RAD18: variants seen among roughly 807,000 people sequenced by gnomAD.
The protein encoded by RAD18 is RAD18 E3 ubiquitin protein ligase, also known as E3 ubiquitin-protein ligase RAD18.
In RAD18, 47 loss-of-function variants were observed where a neutral mutation model predicts 60.4. The ratio of observed to expected loss-of-function variants is 0.78; its 90% CI spans 0.62 to 0.99. RAD18 has a LOEUF of 0.99. Ranked by LOEUF, RAD18 falls within the 50% of genes least tolerant of loss-of-function variation. The pLI, the probability that RAD18 is intolerant of heterozygous loss-of-function variation, is 0.00. For synonymous variants in RAD18, 225 were observed against 195.5 expected, an observed-to-expected ratio of 1.15 and a Z score of -1.26; for missense variants, 640 against 593.3, an observed-to-expected ratio of 1.08 and a Z score of -0.82.
At chr3:8,889,513 G>A (rs1308098683) in intron 12 of RAD18, among the ~76,000 whole-genome samples, 2 of 151,970 alleles carry the variant, frequency 1.3e-5, no homozygotes, top group African/African-American at 2.4e-5. Flanking sequence ...ACACAGTGCT[G>A]TAAGCGCCTA....
chr3:8,922,731 A>T (rs930795828), intron 7 of RAD18, among the ~76,000 whole-genome samples: 8 of 152,170 alleles, frequency 5.3e-5, no homozygotes, highest in Admixed American at 2.0e-4. Context: ...CCAGAGGAAC[A>T]ATCAGGCAGC....
chr3:8,913,661 T>C lies in RAD18; in HGVS notation c.949A>G (p.Ser317Gly), dbSNP rs141680340. The change falls in exon 8 of 13, where the codon AGT (serine) becomes GGT (glycine). Residue 317 changes from serine (S) to glycine (G), a missense_variant. Ser to Gly is a moderately conservative substitution (Grantham distance 56). Coordinates refer to ENST00000264926, the MANE Select transcript of RAD18 (RefSeq NM_020165.4). The part of the protein sequence containing the change: ...IEKTRMRLEA[S>G]KLNESVMVFT... ...TAACATACACTTTCATTGAGTTTAC[T>C]AGCTTCAAGACGCATCCTAGTCTTC... 4 of 1,568,004 alleles carry C rather than the reference T, an allele frequency of 2.6e-6. No homozygotes were observed. In the African/African-American group the frequency reaches 4.1e-5, roughly 16 times the overall value.
chr3:8,942,487 G>A (rs916742386), intron 4 of RAD18, among the ~76,000 whole-genome samples: 7 of 152,170 alleles, frequency 4.6e-5, no homozygotes, highest in Non-Finnish European at 1.0e-4. Context: ...TTATAGCAAT[G>A]TAAGAATGGC....
chr3:8,927,745 T>C (rs1940468083), intron 7 of RAD18, among the ~76,000 whole-genome samples: 1 of 152,070 alleles, frequency 6.6e-6, no homozygotes, highest in African/African-American at 2.4e-5. Context: ...AAATGATGAG[T>C]TCATGTCCTT....
intron 7 of RAD18, among the ~76,000 whole-genome samples, chr3:8,918,799 A>T (rs1940257214): frequency 6.6e-6 from 1 of 152,224 alleles, no homozygotes; most frequent in Admixed American, 6.5e-5. Flanking sequence ...GTGCAGTATT[A>T]TCAGAGAGCA....
At chr3:8,951,863 A>G (rs151300011) in intron 2 of RAD18, among the ~76,000 whole-genome samples, 28 of 152,308 alleles carry the variant, frequency 1.8e-4, no homozygotes, top group African/African-American at 6.3e-4. Context: ...CAAGGTGCCA[A>G]TATGGTAAGT....
At position 8,933,317 on chromosome 3, in the gene RAD18, A is replaced by G. The variant is rs45533733; in HGVS notation, c.889+2554T>C. On this transcript the variant is annotated intron_variant, in intron 7 of 12. Transcript: ENST00000264926. Reference sequence around the variant, plus strand: ...GTGTTTCCTGAGGTCTTAGAGTAAAAGAGAGGGAATATACAGCAAAGGGGC... The same window carrying G: ...GTGTTTCCTGAGGTCTTAGAGTAAAGGAGAGGGAATATACAGCAAAGGGGC... Among the ~76,000 whole-genome samples, 11 of 152,240 alleles carry G rather than the reference A, an allele frequency of 7.2e-5. No individual in the cohort carries two copies. In the East Asian group the frequency reaches 1.9e-3, roughly 27 times the overall value.
intron 7 of RAD18, among the ~76,000 whole-genome samples, chr3:8,929,116 G>A (rs1202833366): frequency 6.6e-6 from 1 of 152,002 alleles, no homozygotes; most frequent in Non-Finnish European, 1.5e-5. Flanking sequence ...ACAAAAATCT[G>A]TATTTTAAAT....
chr3:8,951,644 A>G (rs1940926390), intron 2 of RAD18, among the ~76,000 whole-genome samples: 2 of 152,266 alleles, frequency 1.3e-5, no homozygotes, highest in Admixed American at 6.5e-5. Flanking sequence ...ATAACGAAGT[A>G]TTCAATTATA....
At chr3:8,933,057 T>C (rs1334424022) in intron 7 of RAD18, among the ~76,000 whole-genome samples, 3 of 151,728 alleles carry the variant, frequency 2.0e-5, no homozygotes, top group East Asian at 1.9e-4. Context: ...GATCGCGCCA[T>C]TGCACTCCAG....
chr3:8,933,283 A>C (rs1349287530), intron 7 of RAD18, among the ~76,000 whole-genome samples: 1 of 152,262 alleles, frequency 6.6e-6, no homozygotes, highest in Middle Eastern at 3.4e-3. Flanking sequence ...GGGACAAAAA[A>C]AGAGATCAGT....
At position 8,959,824 on chromosome 3, in the gene RAD18, G is replaced by A. The variant is rs1941067386; in HGVS notation, c.52-823C>T. Among the ~76,000 whole-genome samples, 4 of 149,702 alleles carry A rather than the reference G, an allele frequency of 2.7e-5. No homozygotes were observed. In the South Asian group the frequency reaches 8.4e-4, roughly 31 times the overall value. On this transcript the variant is annotated intron_variant, in intron 1 of 12. Coordinates refer to ENST00000264926, the MANE Select transcript of RAD18 (RefSeq NM_020165.4). ...TTGAGTCCAGGAGGCGTAGGTTGCA[G>A]TGAGCCCACATCGCACCACTATACT...
chr3:8,924,893 T>C (rs952113015), intron 7 of RAD18, among the ~76,000 whole-genome samples: 7 of 152,088 alleles, frequency 4.6e-5, no homozygotes, highest in African/African-American at 1.7e-4. Context: ...CCAGAATCTC[T>C]GGGACACATT....
intron 9 of RAD18, among the ~76,000 whole-genome samples, chr3:8,909,378 G>T (rs138469840): frequency 6.6e-6 from 1 of 152,288 alleles, no homozygotes; most frequent in African/African-American, 2.4e-5. Flanking sequence ...AGACAGTTTT[G>T]GCTTCTGAGT....
At chr3:8,912,412 A>C in intron 8 of RAD18, 40 bp from the exon 9 acceptor site, 1 of 1,363,754 alleles carries the variant, frequency 7.3e-7, no homozygotes, top group Non-Finnish European at 1.0e-6. Flanking sequence ...AAATCTCCCC[A>C]AAATGACAAA....
chr3:8,908,876 G>A (rs1280082174), intron 9 of RAD18, among the ~76,000 whole-genome samples: 2 of 152,080 alleles, frequency 1.3e-5, no homozygotes, highest in South Asian at 2.1e-4. Flanking sequence ...CCCCAGCTCC[G>A]AGCACAGTGT....
rs1180479695 is a variant in RAD18, at chr3:8,877,169, A to G, written c.*4188T>C. The G allele has an allele frequency of 6.6e-6, 1 of 152,404 alleles. No individual in the cohort carries two copies. The highest frequency in any genetic ancestry group is 1.9e-4 in the East Asian group (1 of 5,188). 9.4% of individuals were successfully genotyped at this position (152,404 alleles called of 1,614,324 possible). A position where few individuals can be genotyped will look rare whatever the true frequency, so the allele number is the denominator to read the frequency against. Reference sequence around the variant, plus strand: ...TTTCTGGGTGTCCATTTGTGCTGCCAGAAGAAAATACCACAGTCTGGGTAA... The same window carrying G: ...TTTCTGGGTGTCCATTTGTGCTGCCGGAAGAAAATACCACAGTCTGGGTAA... On this transcript the variant is annotated 3_prime_UTR_variant, in exon 13 of 13. Transcript: ENST00000264926.
At chr3:8,946,713 C>T (rs516491) in intron 4 of RAD18, among the ~76,000 whole-genome samples, 127,076 of 152,226 alleles carry the variant, frequency 0.83, 53,275 homozygotes, top group South Asian at 0.9. Context: ...TAAGAATTAA[C>T]AGATTAATAT....
intron 2 of RAD18, among the ~76,000 whole-genome samples, chr3:8,957,976 T>C (rs1274504294): frequency 6.6e-6 from 1 of 152,230 alleles, no homozygotes; most frequent in African/African-American, 2.4e-5. Context: ...CCAAAACTTA[T>C]CTTGGTTTTT....
Sources: allele counts gnomAD v4.1 joint callset (sites outside exome capture counted in the v4.1 genomes callset), GRCh38; gene constraint gnomAD v4.1.1; transcripts MANE v1.5; gene names NCBI Gene and HGNC (gene_info 2026-07-23, HGNC 2026-07-21).